COMMD5: variants seen among roughly 807,000 people sequenced by gnomAD.
COMMD5 encodes COMM domain-containing protein 5.
In COMMD5, 10 loss-of-function variants were observed where a neutral mutation model predicts 6.9. The observed-to-expected ratio is 1.44, with a 90% CI of 0.89 to 2.45. The LOEUF is 2.45. Ranked by LOEUF, COMMD5 falls within the 30% of genes most tolerant of loss-of-function variation. The pLI, the probability that COMMD5 is intolerant of heterozygous loss-of-function variation, is 0.00. For missense variants in COMMD5, 234 were observed against 287.8 expected (o/e 0.81, Z 1.35); for synonymous variants, 127 against 125.3 (o/e 1.01, Z -0.09).
chr8:144,843,025 G>C (rs746849807), intron 1 of COMMD5: 1 of 1,614,190 alleles, frequency 6.2e-7, no homozygotes, highest in African/African-American at 1.3e-5. Context: ...TGAAGACTGT[G>C]AGAAGATATT....
upstream of COMMD5, chr8:144,853,376 G>A (rs948780387): frequency 6.6e-6 from 1 of 152,272 alleles, no homozygotes; most frequent in Non-Finnish European, 1.5e-5. Context: ...AGTCACCTGA[G>A]GCTGAGGAGC....
rs569530247 is a variant in COMMD5 at position 144,853,030 on chromosome 8, G to C, written c.-249C>G. ...ATCCCCGGCTGATGCAGCCAAAAGC[G>C]GGCCTGGTCCCCGGAAGCGCCCTGA... On this transcript the variant is annotated 5_prime_UTR_variant, in exon 1 of 2. Transcript: ENST00000305103. The C allele has an allele frequency of 1.3e-5, 2 of 152,368 alleles. No individual in the cohort carries two copies. The highest frequency in any genetic ancestry group is 1.9e-4 in the East Asian group (1 of 5,172). The allele number at this position is 152,368 out of a possible 1,614,324, so 9.4% of individuals were successfully genotyped here.
exon 2 of COMMD5, chr8:144,841,708 T>C: frequency 6.2e-7 from 1 of 1,613,916 alleles, no homozygotes. Context: ...ATGCGAGGAG[T>C]GTGGCAAAGG....
downstream of COMMD5, among the ~76,000 whole-genome samples, chr8:144,847,919 G>A (rs573527937): frequency 6.6e-6 from 1 of 152,360 alleles, no homozygotes; most frequent in East Asian, 1.9e-4. Context: ...AGGTCTAATG[G>A]AGACTGGCCA....
rs1157197329 is a variant in COMMD5, at chr8:144,850,671, T to C, written c.668A>G (p.Gln223Arg). ...DLEKRCERRL[Q>R]D ...GACTGGTCAAGTGAGGGGTCAGTCC[T>C]GCAGTCTGCGCTCACACCTCTTCTC... Residue 223 changes from glutamine to arginine, a missense_variant, in exon 2 of 2, where the codon CAG (glutamine) becomes CGG (arginine). Coordinates refer to ENST00000305103, the MANE Select transcript of COMMD5 (RefSeq NM_014066.4). This position sits in a 1 kb window ranked among gnomAD's most constrained non-coding sequence, Gnocchi z 4.0. 1.2e-6 allele frequency: 2 copies of C among 1,613,032 alleles called. No individual in the cohort carries two copies. The highest frequency in any genetic ancestry group is 1.7e-6 in the Non-Finnish European group (2 of 1,179,862).
chr8:144,853,095 G>GC (rs34596453), upstream of COMMD5: 5 of 152,238 alleles, frequency 3.3e-5, no homozygotes, highest in Non-Finnish European at 7.3e-5. Context: ...AGCAATGACC[G>GC]CCCCACTGTG....
At chr8:144,839,975 C>T (rs182713934), downstream of COMMD5, among the ~76,000 whole-genome samples, 28 of 152,310 alleles carry the variant, frequency 1.8e-4, no homozygotes, top group East Asian at 5.2e-3. Context: ...GTCTTTGTTG[C>T]CCAGGCTGGA....
rs1554644112 is a variant in COMMD5 at position 144,843,448 on chromosome 8, C to CGTG, written c.*117-1708_*117-1706dup. On this transcript the variant is annotated intron_variant and NMD_transcript_variant, in intron 1 of 1. Transcript: ENST00000530332. ...CTAAAAATACAAAAATTTAGCTGGG[C>CGTG]GTGGTGGCAGGCACCTGTGGTCCCA... 1.6e-5 allele frequency: 4 copies of CGTG among 256,718 alleles called. No homozygotes were observed. In the Admixed American group the frequency reaches 2.0e-4, roughly 13 times the overall value. 15.9% of individuals were successfully genotyped at this position (256,718 alleles called of 1,614,324 possible). A position where few individuals can be genotyped will look rare whatever the true frequency, so the allele number is the denominator to read the frequency against.
downstream of COMMD5, chr8:144,838,190 CTTCT>C (rs1829307171): frequency 1.4e-6 from 1 of 701,084 alleles, no homozygotes. Flanking sequence ...ACACGGCTGC[CTTCT>C]CCCTGCGTGT....
At chr8:144,845,741 C>T (rs1003587484), downstream of COMMD5, among the ~76,000 whole-genome samples, 9 of 152,184 alleles carry the variant, frequency 5.9e-5, no homozygotes, top group South Asian at 4.1e-4. Context: ...GGGCTCCTCC[C>T]GGTGTACAAG....
At position 144,850,542 on chromosome 8, in the gene COMMD5, A is replaced by G. The variant is rs991599213; in HGVS notation, c.*122T>C. ...GAAAACTACATAATTACGTTCAAAC[A>G]CTCACTGAAGAGCCTGCCTCATGGG... On this transcript the variant is annotated 3_prime_UTR_variant, in exon 2 of 2. Transcript: ENST00000305103. The surrounding 1 kb of genome is among the most constrained non-coding windows in gnomAD (Gnocchi z 4.0). 1.9e-5 allele frequency: 19 copies of G among 1,006,640 alleles called. No individual in the cohort carries two copies. The highest frequency in any genetic ancestry group is 1.6e-4 in the East Asian group (6 of 38,464). 62.4% of individuals were successfully genotyped at this position (1,006,640 alleles called of 1,614,324 possible). A position where few individuals can be genotyped will look rare whatever the true frequency, so the allele number is the denominator to read the frequency against.
downstream of COMMD5, chr8:144,847,054 G>C (rs1273474060): frequency 6.6e-6 from 1 of 152,354 alleles, no homozygotes; most frequent in South Asian, 2.1e-4. Flanking sequence ...TGTCCATGGG[G>C]CAGCTTGCTG....
chr8:144,841,342 C>T, exon 2 of COMMD5: 1 of 1,591,042 alleles, frequency 6.3e-7, no homozygotes, highest in South Asian at 1.1e-5. Flanking sequence ...GTCTTTGTTC[C>T]TGTTTATTTC....
intron 1 of COMMD5, chr8:144,841,746 G>A (rs1199013109): frequency 1.2e-6 from 2 of 1,614,204 alleles, no homozygotes; most frequent in South Asian, 2.2e-5. Context: ...ATATCGCTCT[G>A]CATTGGGAAA....
chr8:144,841,448 A>G (rs750953694), exon 2 of COMMD5: 1 of 1,614,250 alleles, frequency 6.2e-7, no homozygotes, highest in Non-Finnish European at 8.5e-7. Flanking sequence ...ATCTCCCCAC[A>G]GGACTTTCCT....
chr8:144,851,434 C>T, intron 1 of COMMD5, 39 bp from the exon 2 acceptor site: 2 of 1,388,292 alleles, frequency 1.4e-6, no homozygotes, highest in Admixed American at 4.2e-5. Context: ...GTGACTCTCA[C>T]ATCCTTTGGG....
downstream of COMMD5, among the ~76,000 whole-genome samples, chr8:144,849,573 G>A (rs868591541): frequency 6.6e-6 from 1 of 152,172 alleles, no homozygotes; most frequent in African/African-American, 2.4e-5. Flanking sequence ...TGGTCCAGAA[G>A]TGCTCCACGG....
At chr8:144,841,648 T>TTGG (rs1829923975) in exon 2 of COMMD5, 1 of 1,614,164 alleles carries the variant, frequency 6.2e-7, no homozygotes, top group Non-Finnish European at 8.5e-7. Flanking sequence ...CGGCCTGGAT[T>TTGG]GTCAGCCTCT....
intron 1 of COMMD5, chr8:144,843,296 T>TTG (rs757094466): frequency 2.1e-4 from 259 of 1,220,886 alleles, no homozygotes; most frequent in Non-Finnish European, 2.7e-4. Context: ...CTCTCAAGAA[T>TTG]ATCCAACTTC....
Sources: gnomAD v4.1 joint callset for allele counts (sites outside exome capture counted in the v4.1 genomes callset) on GRCh38, gnomAD v4.1.1 for gene constraint, Gnocchi (gnomAD v3.1) non-coding constraint, MANE v1.5 for transcripts, NCBI Gene and HGNC (gene_info 2026-07-23, HGNC 2026-07-21) for gene names.